Variants in PIK3C2G observed in about 807,000 individuals in gnomAD.
PIK3C2G encodes phosphatidylinositol-4-phosphate 3-kinase catalytic subunit type 2 gamma.
A neutral mutation model predicts 181.1 loss-of-function variants in PIK3C2G; 168 were observed. That is an observed-to-expected ratio of 0.93 (90% CI 0.82 to 1.05). The LOEUF is 1.05. Among genes scored for constraint, PIK3C2G ranks in the 50% least tolerant of loss-of-function variants. PIK3C2G has a pLI of 0.00. For synonymous variants in PIK3C2G, 573 were observed against 592.2 expected (o/e 0.97, Z 0.47); for missense variants, 1,869 against 1,732.8 (o/e 1.08, Z -1.40).
chr12:18,643,855 C>T (rs985300723), intron 32 of PIK3C2G, among the ~76,000 whole-genome samples: 1 of 152,064 alleles, frequency 6.6e-6, no homozygotes, highest in Non-Finnish European at 1.5e-5. Context: ...CTCACCACAG[C>T]TGGGATTTCT....
intron 25 of PIK3C2G, among the ~76,000 whole-genome samples, chr12:18,538,619 G>A (rs1943991212): frequency 6.6e-6 from 1 of 151,848 alleles, no homozygotes; most frequent in African/African-American, 2.4e-5. Flanking sequence ...AGTCATACTA[G>A]GCATTAGGAT....
rs753176926 is a variant in PIK3C2G, at chr12:18,513,813, A to AT, written c.3323+8360dup. On this transcript the variant is annotated intron_variant, in intron 24 of 32. Transcript: ENST00000538779. ...TATCTTTTCAAAAAACAACTGTGTG[A>AT]TTTTTTTTCTGTTGTTTTTTAGTGC... Among the ~76,000 whole-genome samples, 29 of 150,526 alleles carry AT rather than the reference A, an allele frequency of 1.9e-4. No individual in the cohort carries two copies. The East Asian group carries it at 3.1e-3, about 16-fold the overall frequency.
At chr12:18,603,101 G>A (rs977783316) in intron 30 of PIK3C2G, among the ~76,000 whole-genome samples, 7 of 152,126 alleles carry the variant, frequency 4.6e-5, no homozygotes, top group African/African-American at 1.4e-4. Flanking sequence ...AAAGGCAAAG[G>A]CCAATGCAAG....
chr12:18,290,865 A>C lies in PIK3C2G; in HGVS notation c.772A>C (p.Arg258=). 1 of 1,599,556 alleles carries C rather than the reference A, an allele frequency of 6.3e-7. No homozygotes were observed. The highest frequency in any genetic ancestry group is 8.6e-7 in the Non-Finnish European group (1 of 1,167,776). ...FCNKVKKIRE[R]YHAADVNFNS... is the part of the protein sequence containing the mutation. ...ACATATGTTTTTCAGAATCAGAGAA[A>C]GATATCATGCAGCTGATGTTAATTT... Residue 258 remains arginine, a synonymous_variant, in exon 4 of 33, where the codon AGA becomes CGA. Transcript: ENST00000538779.
intron 11 of PIK3C2G, among the ~76,000 whole-genome samples, chr12:18,359,803 G>A (rs957706938): frequency 6.6e-6 from 1 of 152,024 alleles, no homozygotes; most frequent in Non-Finnish European, 1.5e-5. Context: ...GCATAGAATA[G>A]CTATTTTATC....
the PIK3C2G span, among the ~76,000 whole-genome samples, chr12:18,659,218 T>C: frequency 2.0e-5 from 3 of 152,172 alleles, no homozygotes; most frequent in African/African-American, 7.2e-5. Flanking sequence ...CTTTAGGCAC[T>C]AAATAACCAC....
intron 18 of PIK3C2G, among the ~76,000 whole-genome samples, chr12:18,476,212 C>A (rs1352603782): frequency 6.6e-6 from 1 of 151,998 alleles, no homozygotes; most frequent in African/African-American, 2.4e-5. Flanking sequence ...CTAAGTTAAA[C>A]ATTAAAAGAT....
At chr12:18,714,266 C>T in the PIK3C2G span, among the ~76,000 whole-genome samples, 3 of 152,140 alleles carry the variant, frequency 2.0e-5, no homozygotes, top group Non-Finnish European at 4.4e-5. Context: ...GTTCCTATTA[C>T]CTATGAACCT....
chr12:18,709,235 G>A, the PIK3C2G span, among the ~76,000 whole-genome samples: 18 of 137,372 alleles, frequency 1.3e-4, no homozygotes, highest in Admixed American at 5.3e-4. Flanking sequence ...TTAGCATGTC[G>A]AAATTCAGTT....
At chr12:18,280,616 C>T (rs562097944) in intron 1 of PIK3C2G, among the ~76,000 whole-genome samples, 2 of 151,816 alleles carry the variant, frequency 1.3e-5, no homozygotes, top group South Asian at 2.1e-4. Flanking sequence ...TGTCACGGGT[C>T]GTTAAGGAAC....
the PIK3C2G span, among the ~76,000 whole-genome samples, chr12:18,702,226 G>A: frequency 3.3e-5 from 5 of 151,754 alleles, no homozygotes; most frequent in African/African-American, 4.8e-5. Flanking sequence ...CTGGCATCTA[G>A]TATAGACTAA....
intron 20 of PIK3C2G, among the ~76,000 whole-genome samples, chr12:18,492,718 G>A (rs1398188030): frequency 1.3e-5 from 2 of 152,048 alleles, no homozygotes; most frequent in Non-Finnish European, 2.9e-5. Flanking sequence ...TGCTTTATTG[G>A]CTGCTTGTTT....
At chr12:18,382,076 T>C (rs1942880147) in intron 14 of PIK3C2G, among the ~76,000 whole-genome samples, 196 bp downstream of exon 14, 1 of 152,216 alleles carries the variant, frequency 6.6e-6, no homozygotes, top group Admixed American at 6.5e-5. Flanking sequence ...CCAGCTTATA[T>C]AATGGCAATT....
intron 18 of PIK3C2G, among the ~76,000 whole-genome samples, chr12:18,485,405 T>C (rs1475820246): frequency 6.6e-6 from 1 of 152,156 alleles, no homozygotes; most frequent in Non-Finnish European, 1.5e-5. Context: ...TCCACTATAA[T>C]TCACTTAACT....
At chr12:18,720,924 A>G in the PIK3C2G span, among the ~76,000 whole-genome samples, 1 of 152,124 alleles carries the variant, frequency 6.6e-6, no homozygotes, top group Non-Finnish European at 1.5e-5. Context: ...ATAAAAATGA[A>G]GAAGACAGCA....
intron 1 of PIK3C2G, among the ~76,000 whole-genome samples, chr12:18,264,257 T>G (rs933498463): frequency 6.6e-6 from 1 of 152,180 alleles, no homozygotes; most frequent in African/African-American, 2.4e-5. Context: ...TAGTATTTCA[T>G]TATATCTTAC....
At chr12:18,341,303 G>A (rs766697962) in intron 9 of PIK3C2G, among the ~76,000 whole-genome samples, 7 of 152,020 alleles carry the variant, frequency 4.6e-5, no homozygotes, top group Non-Finnish European at 1.0e-4. Flanking sequence ...TCATAGGAAA[G>A]CCATAAACAA....
At chr12:18,698,567 C>T in the PIK3C2G span, among the ~76,000 whole-genome samples, 1 of 152,116 alleles carries the variant, frequency 6.6e-6, no homozygotes, top group Admixed American at 6.6e-5. Context: ...AGCAGCTTTT[C>T]TCAAGTCAAT....
At chr12:18,594,461 T>A (rs1400448791) in intron 29 of PIK3C2G, 33 bp from the exon 30 acceptor site, 3 of 1,344,234 alleles carry the variant, frequency 2.2e-6, no homozygotes, top group Non-Finnish European at 3.1e-6. Flanking sequence ...ATATAAGAAA[T>A]AAAGAAATAT....
Sources: allele counts gnomAD v4.1 joint callset (sites outside exome capture counted in the v4.1 genomes callset), GRCh38; gene constraint gnomAD v4.1.1; transcripts MANE v1.5; gene names NCBI Gene and HGNC (gene_info 2026-07-23, HGNC 2026-07-21).